CDH12: variants seen among roughly 807,000 people sequenced by gnomAD.
CDH12 encodes cadherin 12, also known as cadherin-12.
CDH12 carries 41 observed loss-of-function variants against 74.1 expected under a neutral mutation model. The observed-to-expected ratio is 0.55, with a 90% CI of 0.43 to 0.72. CDH12 has a LOEUF of 0.72. Ranked by LOEUF, CDH12 falls within the 30% of genes least tolerant of loss-of-function variation. The pLI is 0.00. For synonymous variants in CDH12, 399 were observed against 355.0 expected (o/e 1.12, Z -1.39); for missense variants, 945 against 977.2 (o/e 0.97, Z 0.44).
chr5:22,023,756 T>C (rs1738158728), intron 5 of CDH12, among the ~76,000 whole-genome samples: 1 of 152,140 alleles, frequency 6.6e-6, no homozygotes. Flanking sequence ...AATTCATTCA[T>C]AAATTTTAGA....
intron 1 of CDH12, among the ~76,000 whole-genome samples, chr5:22,706,476 A>G (rs1248936897): frequency 2.0e-5 from 3 of 151,954 alleles, no homozygotes; most frequent in Admixed American, 6.6e-5. Context: ...ATGTTTTGGT[A>G]TGTTACATTT....
intron 4 of CDH12, among the ~76,000 whole-genome samples, chr5:22,166,415 C>T (rs1235167958): frequency 5.9e-5 from 9 of 151,916 alleles, no homozygotes; most frequent in Non-Finnish European, 1.3e-4. Flanking sequence ...TTGCTTATGC[C>T]CATACCATAT....
At chr5:21,799,123 T>A (rs545519732) in intron 10 of CDH12, among the ~76,000 whole-genome samples, 2 of 152,152 alleles carry the variant, frequency 1.3e-5, no homozygotes, top group Non-Finnish European at 2.9e-5. Context: ...CATTCTGATA[T>A]GTTAACAGAG....
At chr5:22,590,209 T>G (rs1242083113) in intron 1 of CDH12, among the ~76,000 whole-genome samples, 1 of 152,186 alleles carries the variant, frequency 6.6e-6, no homozygotes, top group Non-Finnish European at 1.5e-5. Flanking sequence ...GGTAGCAGAA[T>G]AGGCCATCTC....
At chr5:22,381,551 T>C (rs1267040950) in intron 3 of CDH12, among the ~76,000 whole-genome samples, 5 of 152,022 alleles carry the variant, frequency 3.3e-5, no homozygotes, top group Non-Finnish European at 5.9e-5. Flanking sequence ...CCATTTTCTA[T>C]TATTGAGTCT....
intron 4 of CDH12, among the ~76,000 whole-genome samples, chr5:22,194,283 T>C (rs1267086145): frequency 6.6e-6 from 1 of 151,766 alleles, no homozygotes; most frequent in East Asian, 1.9e-4. Flanking sequence ...CCCCCACTAT[T>C]CTTTCTTTAC....
rs188044621 is a variant in CDH12 at position 21,975,541 on chromosome 5, T to G, written c.232-156A>C. On this transcript the variant is annotated intron_variant, in intron 5 of 14. Transcript: ENST00000382254. ...AAATCTTATGGTTCTGTTTTCTCGTTTTTTATTTCTCCAACTTCTTTTTAT... is the reference window on the plus strand; with the variant it reads ...AAATCTTATGGTTCTGTTTTCTCGTGTTTTATTTCTCCAACTTCTTTTTAT... 1.8e-3 allele frequency among the ~76,000 whole-genome samples: 272 copies of G among 152,104 alleles called. 2 individuals are homozygous for G. The highest frequency in any genetic ancestry group is 6.4e-3 in the African/African-American group (266 of 41,580).
chr5:22,115,247 T>A (rs1357823096), intron 4 of CDH12, among the ~76,000 whole-genome samples: 1 of 152,220 alleles, frequency 6.6e-6, no homozygotes, highest in Non-Finnish European at 1.5e-5. Context: ...ACCAAAAGAC[T>A]ACGTTGTCTA....
chr5:22,627,883 A>T (rs770672613), intron 1 of CDH12, among the ~76,000 whole-genome samples: 1 of 152,184 alleles, frequency 6.6e-6, no homozygotes, highest in Non-Finnish European at 1.5e-5. Context: ...AAGTAAAAGG[A>T]TGGAGGAAAA....
intron 2 of CDH12, among the ~76,000 whole-genome samples, chr5:22,495,025 AAAC>A (rs1035966985): frequency 5.3e-5 from 8 of 152,304 alleles, no homozygotes; most frequent in East Asian, 1.9e-4. Context: ...ACCATTTGCA[AAAC>A]AACAACAACA....
chr5:22,195,122 G>A (rs1750547035), intron 4 of CDH12, among the ~76,000 whole-genome samples: 1 of 152,180 alleles, frequency 6.6e-6, no homozygotes, highest in African/African-American at 2.4e-5. Context: ...GGTAGACAGA[G>A]GCTTTTTAAA....
intron 1 of CDH12, among the ~76,000 whole-genome samples, chr5:22,691,102 G>T (rs1442941891): frequency 6.6e-6 from 1 of 152,058 alleles, no homozygotes; most frequent in Admixed American, 6.6e-5. Context: ...TAACTTGCAG[G>T]AAATTCAATA....
At chr5:21,839,699 T>C (rs756535567) in intron 8 of CDH12, among the ~76,000 whole-genome samples, 1 of 152,216 alleles carries the variant, frequency 6.6e-6, no homozygotes, top group Non-Finnish European at 1.5e-5. Context: ...TTATATATTT[T>C]AGTAGATGAA....
chr5:22,560,333 T>A (rs1354314076), intron 1 of CDH12, among the ~76,000 whole-genome samples: 1 of 152,178 alleles, frequency 6.6e-6, no homozygotes, highest in Non-Finnish European at 1.5e-5. Flanking sequence ...GTATCCAGTG[T>A]ATCCACGCTG....
intron 4 of CDH12, among the ~76,000 whole-genome samples, chr5:22,093,606 C>A (rs1743564641): frequency 6.6e-6 from 1 of 152,066 alleles, no homozygotes; most frequent in Admixed American, 6.6e-5. Context: ...TGTTTAGGGA[C>A]TGTATTTTGG....
At chr5:22,727,960 T>G (rs1446458499) in intron 1 of CDH12, among the ~76,000 whole-genome samples, 1 of 151,822 alleles carries the variant, frequency 6.6e-6, no homozygotes, top group East Asian at 1.9e-4. Context: ...GTTTTTTCAA[T>G]TTAGAAATTG....
chr5:21,820,821 G>A (rs1022689542), intron 8 of CDH12, among the ~76,000 whole-genome samples: 7 of 151,930 alleles, frequency 4.6e-5, no homozygotes, highest in Non-Finnish European at 8.8e-5. Flanking sequence ...ATGATGTACT[G>A]TGTAATTACA....
intron 1 of CDH12, among the ~76,000 whole-genome samples, chr5:22,801,661 A>G (rs996061728): frequency 4.2e-5 from 5 of 120,322 alleles, no homozygotes; most frequent in Admixed American, 8.0e-5. Flanking sequence ...ATATATATAT[A>G]TATATATATA....
chr5:22,098,404 C>T lies in CDH12; in HGVS notation c.-186-19542G>A, dbSNP rs1743928781. Among the ~76,000 whole-genome samples, 3 of 152,174 alleles carry T rather than the reference C, an allele frequency of 2.0e-5. No individual in the cohort carries two copies. In the South Asian group the frequency reaches 6.2e-4, roughly 31 times the overall value. On this transcript the variant is annotated intron_variant, in intron 4 of 14. Coordinates refer to ENST00000382254, the MANE Select transcript of CDH12 (RefSeq NM_004061.5). ...GGTTAGTGTGGTCAGAATTCTTACA[C>T]AAGAGCCAGGACCCCACCCTTTAGC...
Sources: allele counts gnomAD v4.1 joint callset (sites outside exome capture counted in the v4.1 genomes callset), GRCh38; gene constraint gnomAD v4.1.1; transcripts MANE v1.5; gene names NCBI Gene and HGNC (gene_info 2026-07-23, HGNC 2026-07-21).